Variants in ZNF761 observed in about 807,000 individuals in gnomAD.
ZNF761 encodes zinc finger protein 761.
In ZNF761, 43 loss-of-function variants were observed where a neutral mutation model predicts 59.9. The observed-to-expected ratio is 0.72, with a 90% confidence interval of 0.56 to 0.92. The LOEUF (loss-of-function observed/expected upper bound fraction) is 0.92. Ranked by LOEUF, ZNF761 falls within the 40% of genes least tolerant of loss-of-function variation. The probability of loss-of-function intolerance (pLI) is 0.00; values close to 1 mark genes in which losing one functional copy is unlikely to be tolerated. For synonymous variants in ZNF761, 294 were observed against 304.8 expected (o/e 0.96, Z 0.37); for missense variants, 850 against 906.1 (o/e 0.94, Z 0.79).
chr19:53,453,579 A>T (rs2147141754), intron 4 of ZNF761, among the ~76,000 whole-genome samples: 1 of 152,322 alleles, frequency 6.6e-6, no homozygotes, highest in South Asian at 2.1e-4. Context: ...TCCACTAGCT[A>T]ATGTCACACA....
chr19:53,434,942 G>A (rs62117326), intron 1 of ZNF761, among the ~76,000 whole-genome samples: 3,746 of 152,228 alleles, frequency 0.025, 77 homozygotes, highest in Non-Finnish European at 0.035. Context: ...TAAAGACTCG[G>A]AATTGTTGCT....
chr19:53,457,132 C>A lies in ZNF761; in HGVS notation c.*384C>A. The A allele has an allele frequency of 1.9e-6, 1 of 527,140 alleles. No homozygotes were observed. Among genetic ancestry groups the A allele is most frequent in the Non-Finnish European group, 3.6e-6 (1 of 274,536 alleles). 32.7% of individuals were successfully genotyped at this position (527,140 alleles called of 1,614,324 possible). On this transcript the variant is annotated 3_prime_UTR_variant, in exon 5 of 5. Transcript: ENST00000684525. ...CAGTCAACACTTGTTTACCGTCAGG[C>A]AATCCATGGTGTAGGGAAACTTTAC...
At chr19:53,438,531 C>G (rs537236960) in intron 1 of ZNF761, among the ~76,000 whole-genome samples, 13 of 152,296 alleles carry the variant, frequency 8.5e-5, no homozygotes, top group Non-Finnish European at 1.8e-4. Context: ...CTTCCTTGAT[C>G]TGTTTGAAGG....
At position 53,449,088 on chromosome 19, in the gene ZNF761, T is replaced by G. The variant is rs1160897509; in HGVS notation, c.16-424T>G. 2.0e-5 allele frequency among the ~76,000 whole-genome samples: 3 copies of G among 152,292 alleles called. No individual in the cohort carries two copies. In the East Asian group the frequency reaches 5.8e-4, roughly 29 times the overall value. On this transcript the variant is annotated intron_variant, in intron 3 of 4. Coordinates refer to ENST00000684525, the MANE Select transcript of ZNF761 (RefSeq NM_001289951.2). ...GGATCACGCATGTAATTCCAGCACT[T>G]TGAGAGGCTGAGTCAGGCAGATCAC...
chr19:53,457,578 C>G lies in ZNF761; in HGVS notation c.*830C>G. 4 of 330,556 alleles carry G rather than the reference C, an allele frequency of 1.2e-5. No individual in the cohort carries two copies. The highest frequency in any genetic ancestry group is 1.1e-4 in the South Asian group (4 of 36,950). The allele number at this position is 330,556 out of a possible 1,614,324, so 20.5% of individuals were successfully genotyped here. A position where few individuals can be genotyped will look rare whatever the true frequency, so the allele number is the denominator to read the frequency against. ...ATTTTGGAGGTAGTTGGTCCATATG[C>G]AATGAGTAGAGCAAACCATCAAGCA... On this transcript the variant is annotated 3_prime_UTR_variant, in exon 5 of 5. Transcript: ENST00000684525.
At chr19:53,433,367 A>C (rs2085997699) in intron 1 of ZNF761, among the ~76,000 whole-genome samples, 1 of 152,104 alleles carries the variant, frequency 6.6e-6, no homozygotes, top group Non-Finnish European at 1.5e-5. Context: ...AGAACAGCTA[A>C]ATACACACAT....
At chr19:53,434,353 A>G (rs141586870) in intron 1 of ZNF761, among the ~76,000 whole-genome samples, 1,984 of 152,202 alleles carry the variant, frequency 0.013, 54 homozygotes, top group African/African-American at 0.045. Flanking sequence ...CAGTGGGAGT[A>G]AGAAGAAAGA....
intron 4 of ZNF761, among the ~76,000 whole-genome samples, chr19:53,452,266 T>G (rs1413411378): frequency 6.6e-6 from 1 of 152,206 alleles, no homozygotes; most frequent in Non-Finnish European, 1.5e-5. Flanking sequence ...GCAGATCACC[T>G]GATTTCAGGA....
chr19:53,434,799 C>T (rs78992089), intron 1 of ZNF761, among the ~76,000 whole-genome samples: 21 of 152,272 alleles, frequency 1.4e-4, no homozygotes, highest in African/African-American at 4.8e-4. Context: ...CTACTATGTT[C>T]GTCCTTCTAC....
At chr19:53,442,874 GT>G (rs2086114646) in intron 1 of ZNF761, 1 of 356,786 alleles carries the variant, frequency 2.8e-6, no homozygotes, top group African/African-American at 3.2e-5. Flanking sequence ...TAAAAATCAT[GT>G]TGTGAAAAAA....
chr19:53,443,568 G>C (rs1286084316), intron 1 of ZNF761: 1 of 152,196 alleles, frequency 6.6e-6, no homozygotes, highest in Non-Finnish European at 1.5e-5. Flanking sequence ...TCAAGCACAT[G>C]ATCTATAGGT....
intron 1 of ZNF761, among the ~76,000 whole-genome samples, chr19:53,439,900 G>A (rs6509765): frequency 0.74 from 112,278 of 152,020 alleles, 41,877 homozygotes; most frequent in Non-Finnish European, 0.77. Flanking sequence ...TTTTAATTCT[G>A]CTACTACTGG....
Position 53,455,129 on chromosome 19 carries a change from G to C in ZNF761, c.622G>C (p.Val208Leu). The change falls in exon 5 of 5, where the codon GTA becomes CTA. Residue 208 changes from valine (V) to leucine (L), a missense_variant. Val to Leu is a conservative substitution (Grantham distance 32). Coordinates refer to ENST00000684525, the MANE Select transcript of ZNF761 (RefSeq NM_001289951.2). ...NSSLLTQKQE[V>L]HMREKSFQCN... ...TTCATTACTCACACAAAAACAGGAA[G>C]TACACATGAGAGAAAAATCTTTCCA... The C allele has an allele frequency of 6.2e-7, 1 of 1,614,162 alleles. No homozygotes were observed. Among genetic ancestry groups the C allele is most frequent in the African/African-American group, 1.3e-5 (1 of 75,038 alleles).
Position 53,441,743 on chromosome 19 carries a change from C to A in ZNF761, c.-184-4484C>A, listed in dbSNP as rs11667160. On this transcript the variant is annotated intron_variant, in intron 1 of 4. Transcript: ENST00000684525. ...GATTACAGGCATGAATGACCATGCC[C>A]GGCTGAGATAAATCTTAGTTTTCAA... is the stretch of plus-strand genomic sequence containing the variant. The A allele has an allele frequency of 9.5e-6, 7 of 735,170 alleles. No individual in the cohort carries two copies. The Admixed American group carries it at 1.1e-4, about 11-fold the overall frequency. The allele number at this position is 735,170 out of a possible 1,614,324, so 45.5% of individuals were successfully genotyped here. A position where few individuals can be genotyped will look rare whatever the true frequency, so the allele number is the denominator to read the frequency against.
At chr19:53,434,173 G>A (rs1259008842) in intron 1 of ZNF761, among the ~76,000 whole-genome samples, 1 of 152,158 alleles carries the variant, frequency 6.6e-6, no homozygotes, top group Non-Finnish European at 1.5e-5. Flanking sequence ...ATACCTTCGT[G>A]ACTTATCTTG....
chr19:53,435,146 T>C (rs1187699833), intron 1 of ZNF761, among the ~76,000 whole-genome samples: 1 of 152,070 alleles, frequency 6.6e-6, no homozygotes, highest in African/African-American at 2.4e-5. Context: ...TTGGTTTGGT[T>C]TAAGAGGTGA....
chr19:53,457,827 G>GT lies in ZNF761; in HGVS notation c.*1085dup. 1 of 153,928 alleles carries GT rather than the reference G, an allele frequency of 6.5e-6. No homozygotes were observed. The allele number at this position is 153,928 out of a possible 1,614,324, so 9.5% of individuals were successfully genotyped here. A position where few individuals can be genotyped will look rare whatever the true frequency, so the allele number is the denominator to read the frequency against. ...CAGACGTGAGCCATTTTCCCAGCCT[G>GT]TTTTTTGTTTCTTTAAAAAAACTGA... On this transcript the variant is annotated 3_prime_UTR_variant, in exon 5 of 5. Coordinates refer to ENST00000684525, the MANE Select transcript of ZNF761 (RefSeq NM_001289951.2).
chr19:53,450,551 G>C (rs1310557568), intron 4 of ZNF761, among the ~76,000 whole-genome samples: 2 of 151,942 alleles, frequency 1.3e-5, no homozygotes, highest in African/African-American at 4.8e-5. Flanking sequence ...ACTACTTTTT[G>C]TGTTTAATTG....
chr19:53,456,414 G>T lies in ZNF761; in HGVS notation c.1907G>T (p.Cys636Phe). Residue 636 changes from cysteine (C) to phenylalanine (F), a missense_variant, in exon 5 of 5, where the codon TGT becomes TTT. Cys to Phe is a radical substitution (Grantham distance 205, BLOSUM62 -2). Transcript: ENST00000684525. ...RLHTGEKPYKCEECDKAFRVK... is the reference protein window; with the variant it reads ...RLHTGEKPYKFEECDKAFRVK... ...CATACCGGAGAGAAACCTTACAAATGTGAAGAATGTGACAAAGCTTTCCGT... is the reference window on the plus strand; with the variant it reads ...CATACCGGAGAGAAACCTTACAAATTTGAAGAATGTGACAAAGCTTTCCGT... 1 of 1,613,720 alleles carries T rather than the reference G, an allele frequency of 6.2e-7. No individual in the cohort carries two copies. Among genetic ancestry groups the T allele is most frequent in the Non-Finnish European group, 8.5e-7 (1 of 1,179,864 alleles).
Sources: gnomAD v4.1 joint callset for allele counts (sites outside exome capture counted in the v4.1 genomes callset) on GRCh38, gnomAD v4.1.1 for gene constraint, MANE v1.5 for transcripts, NCBI Gene and HGNC (gene_info 2026-07-23, HGNC 2026-07-21) for gene names.